Variants in TOP6BL observed in about 807,000 individuals in gnomAD.
The protein encoded by TOP6BL is TOP6B like initiator of meiotic double strand breaks, also known as type 2 DNA topoisomerase 6 subunit B-like.
the TOP6BL span, among the ~76,000 whole-genome samples, chr11:66,834,890 G>A: frequency 6.6e-6 from 1 of 152,214 alleles, no homozygotes; most frequent in South Asian, 2.1e-4. Context: ...AGAGACAGTG[G>A]GCCAGGAAGG....
chr11:66,772,734 C>T, the TOP6BL span, among the ~76,000 whole-genome samples: 1 of 152,226 alleles, frequency 6.6e-6, no homozygotes, highest in African/African-American at 2.4e-5. Context: ...CATGCCACTG[C>T]ACTCCAGCCT....
chr11:66,790,618 A>T, the TOP6BL span, among the ~76,000 whole-genome samples: 2 of 152,236 alleles, frequency 1.3e-5, no homozygotes, highest in South Asian at 4.1e-4. Flanking sequence ...TTTAGAATAC[A>T]CATAATTTGG....
chr11:66,754,701 T>C, the TOP6BL span, among the ~76,000 whole-genome samples: 2 of 152,200 alleles, frequency 1.3e-5, no homozygotes, highest in African/African-American at 4.8e-5. Context: ...AAGCCAGACT[T>C]GATTCTGGGA....
the TOP6BL span, chr11:66,838,565 A>C: frequency 1.1e-6 from 1 of 877,118 alleles, no homozygotes; most frequent in Non-Finnish European, 1.8e-6. Flanking sequence ...TCTGCAATTT[A>C]GTGGGCTGTT....
chr11:66,838,358 T>A, the TOP6BL span: 1 of 1,613,362 alleles, frequency 6.2e-7, no homozygotes, highest in Non-Finnish European at 8.5e-7. Flanking sequence ...GACTTCTAAT[T>A]TTTTTAAGCA....
the TOP6BL span, chr11:66,801,224 T>C: frequency 9.9e-7 from 1 of 1,013,916 alleles, no homozygotes; most frequent in Non-Finnish European, 1.5e-6. Flanking sequence ...AGCTTCTCTA[T>C]AAGAAAAGCA....
the TOP6BL span, among the ~76,000 whole-genome samples, chr11:66,818,759 C>T: frequency 6.6e-6 from 1 of 152,232 alleles, no homozygotes; most frequent in East Asian, 1.9e-4. Flanking sequence ...TTTTTAAGGT[C>T]TGTCAGAAGG....
chr11:66,789,553 CT>C, the TOP6BL span, among the ~76,000 whole-genome samples: 4 of 152,166 alleles, frequency 2.6e-5, no homozygotes, highest in African/African-American at 9.7e-5. Flanking sequence ...GGTAAACAAT[CT>C]GGAGCAATTA....
the TOP6BL span, among the ~76,000 whole-genome samples, chr11:66,777,677 G>GGTC: frequency 6.6e-6 from 1 of 152,074 alleles, no homozygotes; most frequent in Non-Finnish European, 1.5e-5. Context: ...GATCACTTGA[G>GGTC]GTCAGGAGTT....
chr11:66,839,235 T>C, the TOP6BL span: 4 of 455,812 alleles, frequency 8.8e-6, no homozygotes, highest in Admixed American at 9.4e-5. Context: ...TAAAATGTAC[T>C]AATGCTCTTA....
chr11:66,803,320 A>G, the TOP6BL span, among the ~76,000 whole-genome samples: 1 of 152,150 alleles, frequency 6.6e-6, no homozygotes, highest in Non-Finnish European at 1.5e-5. Flanking sequence ...GATATCTCAC[A>G]CCTGTAGTCC....
chr11:66,776,509 C>T, the TOP6BL span, among the ~76,000 whole-genome samples: 2 of 151,972 alleles, frequency 1.3e-5, no homozygotes, highest in East Asian at 1.9e-4. Flanking sequence ...TACCACTGGC[C>T]GGGAGCAGTG....
the TOP6BL span, among the ~76,000 whole-genome samples, chr11:66,800,014 A>G: frequency 1.3e-5 from 2 of 151,594 alleles, no homozygotes; most frequent in Admixed American, 1.3e-4. Context: ...CTGGGAGACC[A>G]AGATCACACC....
chr11:66,758,302 C>CTTTTTTTTTCTTTTTTTTTTTTT, the TOP6BL span: 1 of 67,318 alleles, frequency 1.5e-5, no homozygotes, highest in Non-Finnish European at 2.5e-5. Context: ...TTTTCTTTTT[C>CTTTTTTTTTCTTTTTTTTTTTTT]TTTTTTTTTT....
At chr11:66,818,085 G>A in the TOP6BL span, among the ~76,000 whole-genome samples, 4 of 152,088 alleles carry the variant, frequency 2.6e-5, no homozygotes, top group African/African-American at 9.7e-5. Context: ...GGGCCAATGT[G>A]TTTTCGTGGG....
At chr11:66,843,031 C>A in the TOP6BL span, 1 of 1,556,014 alleles carries the variant, frequency 6.4e-7, no homozygotes, top group East Asian at 2.4e-5. Flanking sequence ...CGGCAGGGCC[C>A]TGGCGCCGGG....
chr11:66,787,567 A>C, the TOP6BL span, among the ~76,000 whole-genome samples: 2 of 150,798 alleles, frequency 1.3e-5, no homozygotes, highest in East Asian at 3.9e-4. Flanking sequence ...AAAAAAAAAA[A>C]AGCCTAGCGG....
At chr11:66,817,800 G>A in the TOP6BL span, among the ~76,000 whole-genome samples, 1 of 152,008 alleles carries the variant, frequency 6.6e-6, no homozygotes, top group Non-Finnish European at 1.5e-5. Flanking sequence ...TCCCACCTCG[G>A]CCTCCCAAAG....
chr11:66,769,844 C>T, the TOP6BL span, among the ~76,000 whole-genome samples: 1 of 151,730 alleles, frequency 6.6e-6, no homozygotes, highest in African/African-American at 2.4e-5. Flanking sequence ...GGGTTCATGC[C>T]ATTCTCCTGC....
Sources: allele counts gnomAD v4.1 joint callset (sites outside exome capture counted in the v4.1 genomes callset), GRCh38; gene constraint gnomAD v4.1.1; transcripts MANE v1.5; gene names NCBI Gene and HGNC (gene_info 2026-07-23, HGNC 2026-07-21).